Variants in TNFRSF19 observed in about 807,000 individuals in gnomAD.
TNFRSF19 encodes TNF receptor superfamily member 19, also known as tumor necrosis factor receptor superfamily member 19.
In TNFRSF19, 27 loss-of-function variants were observed where a neutral mutation model predicts 46.4. That is an observed-to-expected ratio of 0.58 (90% CI 0.43 to 0.80). TNFRSF19 has a LOEUF of 0.80. Ranked by LOEUF, TNFRSF19 falls within the 30% of genes least tolerant of loss-of-function variation. The pLI, the probability that TNFRSF19 is intolerant of heterozygous loss-of-function variation, is 0.00. For missense variants in TNFRSF19, 511 were observed against 530.8 expected (o/e 0.96, Z 0.37); for synonymous variants, 204 against 205.0 (o/e 1.00, Z 0.04).
intron 3 of TNFRSF19, among the ~76,000 whole-genome samples, chr13:23,611,578 C>T (rs980187877): frequency 1.3e-5 from 2 of 152,132 alleles, no homozygotes; most frequent in Non-Finnish European, 2.9e-5. Context: ...CTCCTAAGAA[C>T]CTATCTAGAG....
At chr13:23,670,983 A>G (rs1017925487) in intron 9 of TNFRSF19, among the ~76,000 whole-genome samples, 4 of 152,226 alleles carry the variant, frequency 2.6e-5, no homozygotes, top group Admixed American at 6.5e-5. Flanking sequence ...TGTGATGTCA[A>G]TTGCCAAGAC....
At chr13:23,609,509 A>G (rs1033191422) in intron 3 of TNFRSF19, among the ~76,000 whole-genome samples, 4 of 152,196 alleles carry the variant, frequency 2.6e-5, no homozygotes, top group Admixed American at 2.0e-4. Context: ...TATTAATGCC[A>G]ACAGTGTGCT....
intron 4 of TNFRSF19, among the ~76,000 whole-genome samples, 190 bp downstream of exon 4, chr13:23,616,235 C>T (rs1881279508): frequency 6.6e-6 from 1 of 152,114 alleles, no homozygotes; most frequent in African/African-American, 2.4e-5. Context: ...ATGCAGCAGA[C>T]ACTGGCTATA....
chr13:23,619,254 T>C (rs1198861162), intron 4 of TNFRSF19, among the ~76,000 whole-genome samples: 1 of 152,232 alleles, frequency 6.6e-6, no homozygotes, highest in Non-Finnish European at 1.5e-5. Flanking sequence ...GAAAACATTA[T>C]GCCAAGTGAA....
intron 3 of TNFRSF19, among the ~76,000 whole-genome samples, chr13:23,602,770 A>G (rs1880253714): frequency 6.6e-6 from 1 of 152,152 alleles, no homozygotes; most frequent in Non-Finnish European, 1.5e-5. Context: ...CACATGGGTC[A>G]AAGAGGATAT....
intron 7 of TNFRSF19, among the ~76,000 whole-genome samples, chr13:23,663,629 C>T (rs1376644458): frequency 6.6e-6 from 1 of 152,088 alleles, no homozygotes; most frequent in Non-Finnish European, 1.5e-5. Flanking sequence ...GCTGTGAATC[C>T]ATCTGGTCCT....
At chr13:23,633,774 G>T (rs1326132956) in intron 5 of TNFRSF19, among the ~76,000 whole-genome samples, 1 of 152,192 alleles carries the variant, frequency 6.6e-6, no homozygotes, top group East Asian at 1.9e-4. Flanking sequence ...ACTTGAACGC[G>T]GGAGGCGGAG....
chr13:23,636,025 T>C (rs1238519866), intron 5 of TNFRSF19, among the ~76,000 whole-genome samples: 2 of 152,198 alleles, frequency 1.3e-5, no homozygotes, highest in South Asian at 4.1e-4. Context: ...TAAGCATTGG[T>C]CTTCTTGGAG....
intron 5 of TNFRSF19, among the ~76,000 whole-genome samples, chr13:23,639,044 C>A (rs1388133600): frequency 1.3e-5 from 2 of 152,100 alleles, no homozygotes; most frequent in African/African-American, 4.8e-5. Flanking sequence ...TTTTTATTTT[C>A]TTGATAGAAA....
At chr13:23,621,124 G>A (rs866362991) in intron 4 of TNFRSF19, among the ~76,000 whole-genome samples, 5 of 152,052 alleles carry the variant, frequency 3.3e-5, no homozygotes, top group Admixed American at 1.3e-4. Flanking sequence ...GCCTCCGTCC[G>A]TGTGTGCTGT....
intron 2 of TNFRSF19, among the ~76,000 whole-genome samples, chr13:23,591,412 C>T (rs1411918972): frequency 2.0e-5 from 3 of 152,032 alleles, no homozygotes; most frequent in Admixed American, 6.5e-5. Flanking sequence ...GAGATCACGC[C>T]ACTGCACTCT....
intron 7 of TNFRSF19, among the ~76,000 whole-genome samples, chr13:23,661,455 A>G (rs1001095224): frequency 3.9e-5 from 6 of 152,176 alleles, no homozygotes; most frequent in Non-Finnish European, 7.3e-5. Flanking sequence ...ATAGGCATTT[A>G]GGTTGATTCC....
At chr13:23,642,963 G>A (rs73156780) in intron 5 of TNFRSF19, among the ~76,000 whole-genome samples, 1,732 of 152,244 alleles carry the variant, frequency 0.011, 11 homozygotes, top group Non-Finnish European at 0.015. Context: ...CTTTTCATAC[G>A]TATATTAATT....
At chr13:23,663,592 C>T (rs1884514540) in intron 7 of TNFRSF19, among the ~76,000 whole-genome samples, 1 of 152,134 alleles carries the variant, frequency 6.6e-6, no homozygotes, top group African/African-American at 2.4e-5. Flanking sequence ...ATGGTACCAG[C>T]TCTTCTTTGT....
intron 1 of TNFRSF19, among the ~76,000 whole-genome samples, chr13:23,582,357 T>C (rs1001475484): frequency 6.6e-6 from 1 of 151,588 alleles, no homozygotes; most frequent in Non-Finnish European, 1.5e-5. Context: ...GCTGAGATCG[T>C]GCCACTGCAC....
intron 2 of TNFRSF19, among the ~76,000 whole-genome samples, chr13:23,590,565 C>T (rs1038396618): frequency 2.6e-5 from 4 of 152,162 alleles, no homozygotes; most frequent in Admixed American, 1.3e-4. Flanking sequence ...GAATACCTGA[C>T]CTCAGGTGAT....
At position 23,675,304 on chromosome 13, in the gene TNFRSF19, G is replaced by C. The variant is rs1001154066; in HGVS notation, c.*1924G>C. 2 of 151,994 alleles carry C rather than the reference G, an allele frequency of 1.3e-5. No individual in the cohort carries two copies. The highest frequency in any genetic ancestry group is 4.8e-5 in the African/African-American group (2 of 41,246). The allele number at this position is 151,994 out of a possible 1,614,324, so 9.4% of individuals were successfully genotyped here. ...TGATGTTTGCATTTCTGTTATGACA[G>C]AGAGATGATGAAAGTAGGCAGGGCT... On this transcript the variant is annotated 3_prime_UTR_variant, in exon 10 of 10. Coordinates refer to ENST00000248484, the MANE Select transcript of TNFRSF19 (RefSeq NM_148957.4).
intron 5 of TNFRSF19, among the ~76,000 whole-genome samples, chr13:23,640,698 C>T (rs1882987624): frequency 6.6e-6 from 1 of 152,196 alleles, no homozygotes; most frequent in African/African-American, 2.4e-5. Flanking sequence ...TGAATTAAAT[C>T]AAATTGGCTT....
intron 3 of TNFRSF19, among the ~76,000 whole-genome samples, chr13:23,602,391 A>G (rs1316309918): frequency 6.6e-6 from 1 of 152,132 alleles, no homozygotes; most frequent in African/African-American, 2.4e-5. Context: ...TAGAACTACA[A>G]GGAGATATAG....
Sources: allele counts gnomAD v4.1 joint callset (sites outside exome capture counted in the v4.1 genomes callset), GRCh38; gene constraint gnomAD v4.1.1; transcripts MANE v1.5; gene names NCBI Gene and HGNC (gene_info 2026-07-23, HGNC 2026-07-21).